Variants in LINGO2 observed in about 807,000 individuals in gnomAD.
LINGO2 encodes the protein leucine-rich repeat and immunoglobulin-like domain-containing nogo receptor-interacting protein 2.
In LINGO2, 14 loss-of-function variants were observed where a neutral mutation model predicts 30.6. The ratio of observed to expected loss-of-function variants is 0.46; its 90% confidence interval spans 0.30 to 0.72. LINGO2 has a LOEUF of 0.72. Among genes scored for constraint, LINGO2 ranks in the 30% least tolerant of loss-of-function variants. The probability of loss-of-function intolerance (pLI) is 0.07; values close to 1 mark genes in which losing one functional copy is unlikely to be tolerated. For synonymous variants in LINGO2, 317 were observed against 288.5 expected, an observed-to-expected ratio of 1.10 and a Z score of -1.00; for missense variants, 729 against 751.7, an observed-to-expected ratio of 0.97 and a Z score of 0.35.
At chr9:28,255,305 C>T (rs1286959223) in intron 4 of LINGO2, among the ~76,000 whole-genome samples, 1 of 151,884 alleles carries the variant, frequency 6.6e-6, no homozygotes, top group Non-Finnish European at 1.5e-5. Context: ...ATAGTAGTCC[C>T]CACTCGGAAT....
At chr9:29,114,427 T>A in the LINGO2 span, among the ~76,000 whole-genome samples, 34,958 of 148,558 alleles carry the variant, frequency 0.24, 4,312 homozygotes, top group East Asian at 0.4. Flanking sequence ...TTATACTTTA[T>A]GTTTTAGGAT....
At chr9:28,882,801 A>C in the LINGO2 span, among the ~76,000 whole-genome samples, 2 of 152,232 alleles carry the variant, frequency 1.3e-5, no homozygotes, top group African/African-American at 4.8e-5. Context: ...CATCATCACC[A>C]AGTCAATTAA....
chr9:28,239,952 C>A (rs1188070649), intron 4 of LINGO2, among the ~76,000 whole-genome samples: 1 of 151,908 alleles, frequency 6.6e-6, no homozygotes, highest in South Asian at 2.1e-4. Context: ...GATACAAAAT[C>A]GTCATATAAA....
chr9:28,040,665 T>C (rs1824160929), intron 4 of LINGO2, among the ~76,000 whole-genome samples: 1 of 152,148 alleles, frequency 6.6e-6, no homozygotes, highest in South Asian at 2.1e-4. Context: ...ACCTAATAGC[T>C]GCTTTGCCTT....
chr9:28,152,627 A>G (rs1028136198), intron 4 of LINGO2, among the ~76,000 whole-genome samples: 1 of 152,208 alleles, frequency 6.6e-6, no homozygotes, highest in Non-Finnish European at 1.5e-5. Context: ...GATTAGTGGA[A>G]AAATAGCTAT....
At chr9:28,690,804 A>G in the LINGO2 span, among the ~76,000 whole-genome samples, 1 of 152,154 alleles carries the variant, frequency 6.6e-6, no homozygotes, top group East Asian at 1.9e-4. Context: ...TCTCATTCTA[A>G]CAATTCACTC....
intron 1 of LINGO2, among the ~76,000 whole-genome samples, chr9:28,583,777 C>A (rs1038384891): frequency 6.6e-6 from 1 of 151,996 alleles, no homozygotes; most frequent in East Asian, 1.9e-4. Flanking sequence ...GTAGTTGATG[C>A]TGACATGGTT....
intron 4 of LINGO2, among the ~76,000 whole-genome samples, chr9:28,119,382 G>A (rs1827027901): frequency 6.6e-6 from 1 of 152,210 alleles, no homozygotes; most frequent in Non-Finnish European, 1.5e-5. Context: ...GAAGCATGGG[G>A]TCTAGAACCA....
At chr9:28,642,092 T>G (rs1827620724) in intron 1 of LINGO2, among the ~76,000 whole-genome samples, 1 of 151,924 alleles carries the variant, frequency 6.6e-6, no homozygotes, top group South Asian at 2.1e-4. Flanking sequence ...TGTGTGTGCA[T>G]ATAAAAATAT....
the LINGO2 span, among the ~76,000 whole-genome samples, chr9:28,752,436 CAT>C: frequency 3.1e-4 from 47 of 152,128 alleles, no homozygotes; most frequent in Non-Finnish European, 5.4e-4. Context: ...TTTGATGACA[CAT>C]GATTGTCCAT....
At chr9:27,950,071 G>A (rs758213532) in exon 6 of LINGO2, 16 of 1,613,986 alleles carry the variant, frequency 9.9e-6, no homozygotes, top group South Asian at 9.9e-5. Flanking sequence ...ATGAGGCTGC[G>A]GAGGTGGGAG....
At chr9:28,134,948 C>T (rs1437206279) in intron 4 of LINGO2, among the ~76,000 whole-genome samples, 4 of 152,146 alleles carry the variant, frequency 2.6e-5, no homozygotes, top group Non-Finnish European at 5.9e-5. Flanking sequence ...CAATCTAAAT[C>T]CAAGAAGACT....
At chr9:28,423,534 C>A (rs1428928915) in intron 2 of LINGO2, among the ~76,000 whole-genome samples, 1 of 152,064 alleles carries the variant, frequency 6.6e-6, no homozygotes, top group Admixed American at 6.6e-5. Flanking sequence ...AAGGATGCTA[C>A]CTGTCACTAA....
intron 4 of LINGO2, among the ~76,000 whole-genome samples, chr9:28,037,670 C>T (rs1824001956): frequency 1.3e-5 from 2 of 152,338 alleles, no homozygotes; most frequent in African/African-American, 4.8e-5. Context: ...TCATAGCTGG[C>T]ATACAGCCAG....
chr9:28,900,473 T>G, the LINGO2 span, among the ~76,000 whole-genome samples: 1 of 152,142 alleles, frequency 6.6e-6, no homozygotes, highest in Non-Finnish European at 1.5e-5. Context: ...GGAACCAGTC[T>G]CCAGACACAC....
chr9:28,219,040 A>G (rs1169551545), intron 4 of LINGO2, among the ~76,000 whole-genome samples: 3 of 152,170 alleles, frequency 2.0e-5, no homozygotes, highest in African/African-American at 7.2e-5. Flanking sequence ...ATAATAACAC[A>G]TGCAGGCAGT....
chr9:28,175,081 C>A (rs935654158), intron 4 of LINGO2, among the ~76,000 whole-genome samples: 2 of 152,220 alleles, frequency 1.3e-5, no homozygotes, highest in Admixed American at 6.5e-5. Flanking sequence ...TTAATCTACT[C>A]TCTTCATTTC....
At chr9:28,995,210 G>A in the LINGO2 span, among the ~76,000 whole-genome samples, 3 of 152,092 alleles carry the variant, frequency 2.0e-5, no homozygotes, top group Non-Finnish European at 2.9e-5. Flanking sequence ...CTGGGTGAAG[G>A]ACATGAACAG....
the LINGO2 span, among the ~76,000 whole-genome samples, chr9:28,675,905 GTA>G: frequency 9.4e-4 from 118 of 125,874 alleles, no homozygotes; most frequent in Non-Finnish European, 1.4e-3. Context: ...GTGTGTGTAT[GTA>G]TATATATATA....
Sources: gnomAD v4.1 joint callset for allele counts (sites outside exome capture counted in the v4.1 genomes callset) on GRCh38, gnomAD v4.1.1 for gene constraint, MANE v1.5 for transcripts, NCBI Gene and HGNC (gene_info 2026-07-23, HGNC 2026-07-21) for gene names.